Variants in NLRP4 observed in about 807,000 individuals in gnomAD.
The protein encoded by NLRP4 is NACHT, LRR and PYD domains-containing protein 4.
NLRP4 carries 44 observed loss-of-function variants against 84.7 expected under a neutral mutation model. The ratio of observed to expected loss-of-function variants is 0.52; its 90% CI spans 0.41 to 0.67. The LOEUF is 0.67. Ranked by LOEUF, NLRP4 falls within the 30% of genes least tolerant of loss-of-function variation. The probability of loss-of-function intolerance (pLI) is 0.00; values close to 1 mark genes in which losing one functional copy is unlikely to be tolerated. For synonymous variants in NLRP4, 544 were observed against 476.4 expected, an observed-to-expected ratio of 1.14 and a Z score of -1.85; for missense variants, 1,260 against 1,219.4, an observed-to-expected ratio of 1.03 and a Z score of -0.50.
rs201148110 is a variant in NLRP4 at position 55,858,084 on chromosome 19, G to T, written c.691G>T (p.Asp231Tyr). The stretch of plus-strand genomic sequence containing the variant: ...ACCGGAGAGACTCTTGTTCGTCATC[G>T]ACAGCTTCGAAGAGCTGCAGGGCGG... ...SQPERLLFVI[D>Y]SFEELQGGLN... The change falls in exon 3 of 10, where the codon GAC becomes TAC. Residue 231 changes from aspartate (D) to tyrosine (Y), a missense_variant. By Grantham distance (160) the Asp-to-Tyr change is radical (BLOSUM62 -3). This residue lies in a region of NLRP4 where 712 missense variants were observed against 669.2 expected (regional missense o/e 1.06). Transcript: ENST00000301295. The surrounding 1 kb of genome is among the most constrained non-coding windows in gnomAD (Gnocchi z 4.2). The T allele has an allele frequency of 1.2e-6, 2 of 1,614,124 alleles. No individual in the cohort carries two copies. Among genetic ancestry groups the T allele is most frequent in the Admixed American group, 3.3e-5 (2 of 60,014 alleles).
chr19:55,878,568 G>A (rs1057369810), intron 8 of NLRP4, among the ~76,000 whole-genome samples: 1 of 152,316 alleles, frequency 6.6e-6, no homozygotes, highest in Non-Finnish European at 1.5e-5. Flanking sequence ...AGTGGAATGA[G>A]CTGCAAAGTC....
chr19:55,856,446 G>A (rs1325688244), intron 2 of NLRP4, among the ~76,000 whole-genome samples: 1 of 150,858 alleles, frequency 6.6e-6, no homozygotes, highest in Non-Finnish European at 1.5e-5. Context: ...AACTTAATCT[G>A]TACCTTGATC....
At chr19:55,840,376 GTA>G (rs1555806419) in intron 1 of NLRP4, among the ~76,000 whole-genome samples, 1 of 145,280 alleles carries the variant, frequency 6.9e-6, no homozygotes, top group South Asian at 2.3e-4. Flanking sequence ...GTGTGTGTGT[GTA>G]TACATATTTT....
chr19:55,865,086 C>T (rs996644970), intron 5 of NLRP4, among the ~76,000 whole-genome samples: 33 of 152,124 alleles, frequency 2.2e-4, no homozygotes, highest in African/African-American at 6.5e-4. Flanking sequence ...TTTCGTCACC[C>T]GTTAATAAGC....
At chr19:55,840,344 A>ATGTGTGTGTGTGTGTGTGTG (rs762148583) in intron 1 of NLRP4, among the ~76,000 whole-genome samples, 1 of 119,656 alleles carries the variant, frequency 8.4e-6, no homozygotes, top group Non-Finnish European at 1.8e-5. Context: ...GTGTATGTGT[A>ATGTGTGTGTGTGTGTGTGTG]TGTGTGTGTG....
chr19:55,848,853 G>A (rs910179698), intron 1 of NLRP4, among the ~76,000 whole-genome samples: 2 of 150,206 alleles, frequency 1.3e-5, no homozygotes, highest in African/African-American at 5.1e-5. Context: ...TCATGGGGAT[G>A]GTTTCCCCCA....
At chr19:55,850,250 C>T (rs1475186991) in intron 1 of NLRP4, among the ~76,000 whole-genome samples, 6 of 136,712 alleles carry the variant, frequency 4.4e-5, no homozygotes, top group Non-Finnish European at 7.7e-5. Context: ...GTGTAATTTC[C>T]GAGGCTGCGG....
At chr19:55,870,789 C>T (rs752463434) in intron 6 of NLRP4, 38 bp from the exon 7 acceptor site, 17 of 1,519,014 alleles carry the variant, frequency 1.1e-5, no homozygotes, top group African/African-American at 4.1e-5. Context: ...GACACCACGT[C>T]CCTCTTCACT....
chr19:55,840,518 G>A (rs1983573333), intron 1 of NLRP4, among the ~76,000 whole-genome samples: 1 of 151,950 alleles, frequency 6.6e-6, no homozygotes, highest in East Asian at 1.9e-4. Flanking sequence ...CGAGTAGCTG[G>A]GATTACAGGT....
rs1391182165 is a variant in NLRP4 at position 55,858,075 on chromosome 19, T to C, written c.682T>C (p.Phe228Leu). 1.2e-6 allele frequency: 2 copies of C among 1,614,068 alleles called. No individual in the cohort carries two copies. The highest frequency in any genetic ancestry group is 1.7e-6 in the Non-Finnish European group (2 of 1,180,024). ...EIVSQPERLL[F>L]VIDSFEELQG... ...CGTGTCTCAACCGGAGAGACTCTTG[T>C]TCGTCATCGACAGCTTCGAAGAGCT... is the stretch of plus-strand genomic sequence containing the variant. Residue 228 changes from phenylalanine (F) to leucine (L), a missense_variant, in exon 3 of 10, where the codon TTC becomes CTC. Coordinates refer to ENST00000301295, the MANE Select transcript of NLRP4 (RefSeq NM_134444.5). This position sits in a 1 kb window ranked among gnomAD's most constrained non-coding sequence, Gnocchi z 4.2.
At chr19:55,854,174 G>C (rs1419381484) in intron 2 of NLRP4, among the ~76,000 whole-genome samples, 2 of 151,792 alleles carry the variant, frequency 1.3e-5, no homozygotes, top group Non-Finnish European at 2.9e-5. Context: ...GTTTCCCCAT[G>C]TTGGCCAGGC....
At chr19:55,869,280 C>T (rs1451660521) in intron 6 of NLRP4, among the ~76,000 whole-genome samples, 1 of 151,860 alleles carries the variant, frequency 6.6e-6, no homozygotes, top group East Asian at 1.9e-4. Flanking sequence ...TGGAGAATCG[C>T]TTGAACCTGG....
chr19:55,877,725 C>G (rs1373762657), intron 8 of NLRP4, among the ~76,000 whole-genome samples: 1 of 152,114 alleles, frequency 6.6e-6, no homozygotes, highest in South Asian at 2.1e-4. Context: ...TGTCGATAAC[C>G]ATCTGTCTTC....
chr19:55,837,515 C>A (rs1035374912), intron 1 of NLRP4, among the ~76,000 whole-genome samples: 6 of 151,954 alleles, frequency 3.9e-5, no homozygotes, highest in Non-Finnish European at 7.4e-5. Flanking sequence ...TTTGTTTAGA[C>A]TATGAAACGT....
chr19:55,841,074 T>C lies in NLRP4; in HGVS notation c.-66+4140T>C, dbSNP rs528939114. On this transcript the variant is annotated intron_variant, in intron 1 of 9. Transcript: ENST00000301295. Reference sequence around the variant, plus strand: ...ACAGTGTGATGTTTGGACACATATATCCATTGTATAATGATCCAATCAGGG... The same window carrying C: ...ACAGTGTGATGTTTGGACACATATACCCATTGTATAATGATCCAATCAGGG... Among the ~76,000 whole-genome samples, 34 of 152,368 alleles carry C rather than the reference T, an allele frequency of 2.2e-4. No individual in the cohort carries two copies. In the East Asian group the frequency reaches 5.6e-3, roughly 25 times the overall value.
chr19:55,850,304 AATGTCCGT>A (rs2123011771), intron 1 of NLRP4, among the ~76,000 whole-genome samples: 1 of 90,112 alleles, frequency 1.1e-5, no homozygotes, highest in African/African-American at 9.1e-5. Flanking sequence ...GCTGCGGTGT[AATGTCCGT>A]GGCTGCGGTG....
rs897063676 is a variant in NLRP4, at chr19:55,842,845, T to C, written c.-66+5911T>C. ...TGCGATCTCAGCTCACTGCAAGCTCTGCCTCCCGGGTTCACGCCGTTCTCC... is the reference window on the plus strand; with the variant it reads ...TGCGATCTCAGCTCACTGCAAGCTCCGCCTCCCGGGTTCACGCCGTTCTCC... On this transcript the variant is annotated intron_variant, in intron 1 of 9. Coordinates refer to ENST00000301295, the MANE Select transcript of NLRP4 (RefSeq NM_134444.5). 1.1e-4 allele frequency among the ~76,000 whole-genome samples: 16 copies of C among 152,128 alleles called. 1 individual carries two copies. Among genetic ancestry groups the C allele is most frequent in the East Asian group, 7.7e-4 (4 of 5,174 alleles).
At chr19:55,859,744 A>T (rs886943633) in intron 3 of NLRP4, among the ~76,000 whole-genome samples, 3 of 151,566 alleles carry the variant, frequency 2.0e-5, no homozygotes, top group African/African-American at 7.3e-5. Flanking sequence ...CCTGACCAAC[A>T]TGGTGACACC....
chr19:55,874,232 TA>T (rs1985288399), intron 7 of NLRP4, among the ~76,000 whole-genome samples: 1 of 152,226 alleles, frequency 6.6e-6, no homozygotes, highest in Non-Finnish European at 1.5e-5. Context: ...ATTTTAATAA[TA>T]TAGTTTATTT....
Sources: gnomAD v4.1 joint callset for allele counts (sites outside exome capture counted in the v4.1 genomes callset) on GRCh38, gnomAD v4.1.1 for gene constraint, gnomAD v4.1.1 regional missense constraint, Gnocchi (gnomAD v3.1) non-coding constraint, MANE v1.5 for transcripts, NCBI Gene and HGNC (gene_info 2026-07-23, HGNC 2026-07-21) for gene names.